Variants in PRKAA2 observed in about 807,000 individuals in gnomAD.
PRKAA2 encodes protein kinase AMP-activated catalytic subunit alpha 2, also known as 5'-AMP-activated protein kinase catalytic subunit alpha-2.
Under a neutral mutation model 56.3 loss-of-function variants are expected in PRKAA2, and 40 were observed. The ratio of observed to expected loss-of-function variants is 0.71; its 90% CI spans 0.55 to 0.92. PRKAA2 has a LOEUF of 0.92. Among genes scored for constraint, PRKAA2 ranks in the 40% least tolerant of loss-of-function variants. PRKAA2 has a pLI of 0.00. For missense variants in PRKAA2, 542 were observed against 686.9 expected (o/e 0.79, Z 2.36); for synonymous variants, 214 against 234.2 (o/e 0.91, Z 0.79).
At chr1:56,669,305 A>C (rs1644058351) in intron 1 of PRKAA2, among the ~76,000 whole-genome samples, 1 of 152,114 alleles carries the variant, frequency 6.6e-6, no homozygotes, top group Admixed American at 6.5e-5. Flanking sequence ...TTAAAAATAC[A>C]GAAATTAGCC....
At chr1:56,655,280 A>ATATATATATT in intron 1 of PRKAA2, among the ~76,000 whole-genome samples, 55 of 93,652 alleles carry the variant, frequency 5.9e-4, no homozygotes, top group East Asian at 2.3e-3. Context: ...ATATATATAT[A>ATATATATATT]TTTTTTTTTT....
chr1:56,701,243 T>C (rs1644291842), intron 6 of PRKAA2, among the ~76,000 whole-genome samples: 1 of 152,124 alleles, frequency 6.6e-6, no homozygotes, highest in Non-Finnish European at 1.5e-5. Context: ...TTTTACTTCT[T>C]TTGTAGCTGG....
rs879495878 is a variant in PRKAA2 at position 56,662,451 on chromosome 1, A to T, written c.95-11930A>T. Among the ~76,000 whole-genome samples, 177 of 152,096 alleles carry T rather than the reference A, an allele frequency of 1.2e-3. 1 individual carries two copies. Among genetic ancestry groups the T allele is most frequent in the African/African-American group, 1.7e-3 (70 of 41,546 alleles). On this transcript the variant is annotated intron_variant, in intron 1 of 8. Coordinates refer to ENST00000371244, the MANE Select transcript of PRKAA2 (RefSeq NM_006252.4). The stretch of plus-strand genomic sequence containing the variant: ...TTTTTAATTAAATAGAGATGATTTA[A>T]AAAAAAAATTAAATACAGACGAGGT...
Position 56,703,975 on chromosome 1 carries a change from C to A in PRKAA2, c.793C>A (p.His265Asn). The A allele has an allele frequency of 6.2e-7, 1 of 1,601,568 alleles. No individual in the cohort carries two copies. Among genetic ancestry groups the A allele is most frequent in the Non-Finnish European group, 8.5e-7 (1 of 1,174,136 alleles). The change falls in exon 7 of 9, where the codon CAT becomes AAT. Residue 265 changes from histidine (H) to asparagine (N), a missense_variant. Physicochemically the swap from His to Asn is moderately conservative, Grantham distance 68. Transcript: ENST00000371244. ...KRATIKDIRE[H>N]EWFKQDLPSY... The stretch of plus-strand genomic sequence containing the variant: ...GTATTGTGGTGTTTTTCCTAGAGAG[C>A]ATGAATGGTTTAAACAAGATTTGCC...
chr1:56,689,838 A>ATT (rs762531061), intron 2 of PRKAA2, among the ~76,000 whole-genome samples: 1 of 151,236 alleles, frequency 6.6e-6, no homozygotes, highest in Non-Finnish European at 1.5e-5. Flanking sequence ...AATAAAGCTA[A>ATT]TTTTTTTTCT....
rs1644377398 is a variant in PRKAA2 at position 56,712,786 on chromosome 1, A to C, written c.*5073A>C. ...GGAATCTCTTGAACCTGGGAGGCAGAGATTGCAATAAGCCAAGATCATGCC... is the reference window on the plus strand; with the variant it reads ...GGAATCTCTTGAACCTGGGAGGCAGCGATTGCAATAAGCCAAGATCATGCC... On this transcript the variant is annotated 3_prime_UTR_variant, in exon 9 of 9. Transcript: ENST00000371244. 1 of 152,104 alleles carries C rather than the reference A, an allele frequency of 6.6e-6. No homozygotes were observed. The highest frequency in any genetic ancestry group is 6.6e-5 in the Admixed American group (1 of 15,258). 9.4% of individuals were successfully genotyped at this position (152,104 alleles called of 1,614,324 possible). A position where few individuals can be genotyped will look rare whatever the true frequency, so the allele number is the denominator to read the frequency against.
rs962037406 is a variant in PRKAA2, at chr1:56,714,681, A to T, written c.*6968A>T. 63 of 152,150 alleles carry T rather than the reference A, an allele frequency of 4.1e-4. No homozygotes were observed. The highest frequency in any genetic ancestry group is 1.3e-3 in the African/African-American group (52 of 41,458). 9.4% of individuals were successfully genotyped at this position (152,150 alleles called of 1,614,324 possible). ...GGTTGTACAATGTTTTGAACATTTAATGTAAAGTTGTTGTAGAACTGTGAA... is the reference window on the plus strand; with the variant it reads ...GGTTGTACAATGTTTTGAACATTTATTGTAAAGTTGTTGTAGAACTGTGAA... On this transcript the variant is annotated 3_prime_UTR_variant, in exon 9 of 9. Transcript: ENST00000371244.
chr1:56,657,924 A>C (rs940595307), intron 1 of PRKAA2, among the ~76,000 whole-genome samples: 1 of 152,200 alleles, frequency 6.6e-6, no homozygotes, highest in African/African-American at 2.4e-5. Flanking sequence ...GGGAAGTCTA[A>C]GTATGTGGGT....
At chr1:56,691,541 T>G in intron 3 of PRKAA2, 54 bp downstream of exon 3, 2 of 1,405,036 alleles carry the variant, frequency 1.4e-6, no homozygotes, top group Non-Finnish European at 2.0e-6. Flanking sequence ...AAAAGGAAAG[T>G]ATTGGGACAT....
intron 1 of PRKAA2, among the ~76,000 whole-genome samples, chr1:56,651,428 G>A (rs1643897157): frequency 6.6e-6 from 1 of 152,088 alleles, no homozygotes; most frequent in Admixed American, 6.6e-5. Context: ...TGAAGAAATT[G>A]AGAATCAGAT....
intron 6 of PRKAA2, among the ~76,000 whole-genome samples, chr1:56,697,246 A>G (rs1644264956): frequency 6.6e-6 from 1 of 151,612 alleles, no homozygotes; most frequent in Non-Finnish European, 1.5e-5. Flanking sequence ...CTGGTCTTGA[A>G]CTTCTGGGCT....
rs188023208 is a variant in PRKAA2 at position 56,690,634 on chromosome 1, C to T, written c.237-760C>T. Among the ~76,000 whole-genome samples the T allele has an allele frequency of 5.0e-4, 76 of 152,050 alleles. No individual in the cohort carries two copies. The East Asian group carries it at 9.7e-3, about 19-fold the overall frequency. On this transcript the variant is annotated intron_variant, in intron 2 of 8. Coordinates refer to ENST00000371244, the MANE Select transcript of PRKAA2 (RefSeq NM_006252.4). ...AATATGTCTCTTAAGTTACTTTTAA[C>T]GTATAGTTTATCCTTTCCCTTTTTT... is the stretch of plus-strand genomic sequence containing the variant.
At chr1:56,668,194 C>T (rs1171096298) in intron 1 of PRKAA2, among the ~76,000 whole-genome samples, 1 of 142,002 alleles carries the variant, frequency 7.0e-6, no homozygotes, top group African/African-American at 2.6e-5. Flanking sequence ...AGAGTACACT[C>T]ATAGGTGGGA....
intron 1 of PRKAA2, among the ~76,000 whole-genome samples, chr1:56,649,362 A>G (rs1646668891): frequency 6.6e-6 from 1 of 152,170 alleles, no homozygotes; most frequent in Non-Finnish European, 1.5e-5. Context: ...AATTTCTACT[A>G]AAAAAGCTAA....
intron 6 of PRKAA2, among the ~76,000 whole-genome samples, chr1:56,699,156 A>G (rs1644277885): frequency 1.3e-5 from 2 of 152,208 alleles, no homozygotes; most frequent in African/African-American, 2.4e-5. Flanking sequence ...TCAACTTAAT[A>G]TAATTAAAGC....
chr1:56,688,430 CAT>C (rs1644206471), intron 2 of PRKAA2, among the ~76,000 whole-genome samples: 1 of 152,112 alleles, frequency 6.6e-6, no homozygotes, highest in South Asian at 2.1e-4. Flanking sequence ...ATAATAAAAA[CAT>C]ATAATTACAA....
At chr1:56,683,663 C>T (rs2796509) in intron 2 of PRKAA2, among the ~76,000 whole-genome samples, 67,020 of 151,854 alleles carry the variant, frequency 0.44, 15,415 homozygotes, top group East Asian at 0.59. Context: ...TATTATATGT[C>T]ATATGTTAGA....
chr1:56,677,907 G>A (rs1215091981), intron 2 of PRKAA2, among the ~76,000 whole-genome samples: 4 of 152,066 alleles, frequency 2.6e-5, no homozygotes, highest in African/African-American at 9.7e-5. Flanking sequence ...TCAGCCTGCC[G>A]CAGCCTCCCA....
At chr1:56,686,643 TC>T (rs1644193174) in intron 2 of PRKAA2, among the ~76,000 whole-genome samples, 1 of 151,974 alleles carries the variant, frequency 6.6e-6, no homozygotes, top group African/African-American at 2.4e-5. Context: ...AGAGCCAGTC[TC>T]CTTTAAACAA....
Sources: allele counts gnomAD v4.1 joint callset (sites outside exome capture counted in the v4.1 genomes callset), GRCh38; gene constraint gnomAD v4.1.1; transcripts MANE v1.5; gene names NCBI Gene and HGNC (gene_info 2026-07-23, HGNC 2026-07-21).